Variants in CNTNAP2 observed in about 807,000 individuals in gnomAD.
The protein encoded by CNTNAP2 is contactin-associated protein-like 2.
A neutral mutation model predicts 155.2 loss-of-function variants in CNTNAP2; 98 were observed. That is an observed-to-expected ratio of 0.63 (90% CI 0.54 to 0.75). The LOEUF is 0.75. CNTNAP2 is among the 30% of genes least tolerant of loss of function. The probability of loss-of-function intolerance (pLI) is 0.00; values close to 1 mark genes in which losing one functional copy is unlikely to be tolerated. For missense variants in CNTNAP2, 1,727 were observed against 1,688.1 expected (o/e 1.02, Z -0.40); for synonymous variants, 651 against 631.2 (o/e 1.03, Z -0.47).
intron 10 of CNTNAP2, among the ~76,000 whole-genome samples, chr7:147,407,475 A>C: frequency 1.0e-5 from 1 of 98,034 alleles, no homozygotes; most frequent in African/African-American, 2.9e-5. Flanking sequence ...CTCAAAAAAA[A>C]AAAAAAAAAA....
intron 10 of CNTNAP2, among the ~76,000 whole-genome samples, chr7:147,466,502 G>A (rs896081057): frequency 5.3e-5 from 8 of 152,184 alleles, no homozygotes; most frequent in African/African-American, 1.9e-4. Flanking sequence ...ACTAACCTTG[G>A]GGGATAATAG....
At chr7:146,847,885 C>G (rs762150668) in intron 3 of CNTNAP2, among the ~76,000 whole-genome samples, 10 of 152,062 alleles carry the variant, frequency 6.6e-5, no homozygotes, top group Non-Finnish European at 1.5e-4. Context: ...GAAAATATGA[C>G]TAGGATGTTT....
At position 146,676,631 on chromosome 7, in the gene CNTNAP2, T is replaced by C. The variant is rs1800403027; in HGVS notation, c.98-97640T>C. ...TAAAGACGTACCTGAGAATGGGTAT[T>C]TATAAAGAAAAAGAGATTTAATGGA... On this transcript the variant is annotated intron_variant, in intron 1 of 23. Transcript: ENST00000361727. 3.9e-5 allele frequency among the ~76,000 whole-genome samples: 6 copies of C among 152,198 alleles called. No homozygotes were observed. In the South Asian group the frequency reaches 1.0e-3, roughly 26 times the overall value.
At chr7:146,569,101 C>T (rs1460117990) in intron 1 of CNTNAP2, among the ~76,000 whole-genome samples, 1 of 152,116 alleles carries the variant, frequency 6.6e-6, no homozygotes, top group Non-Finnish European at 1.5e-5. Context: ...ACCGCAAGGG[C>T]TGCCTCCCGG....
intron 1 of CNTNAP2, among the ~76,000 whole-genome samples, chr7:146,479,798 T>G (rs1796932762): frequency 6.6e-6 from 1 of 152,164 alleles, no homozygotes; most frequent in African/African-American, 2.4e-5. Flanking sequence ...ATTTTTTATT[T>G]TTTTGAGACA....
At chr7:147,649,327 T>G (rs1288515212) in intron 13 of CNTNAP2, among the ~76,000 whole-genome samples, 1 of 152,224 alleles carries the variant, frequency 6.6e-6, no homozygotes, top group African/African-American at 2.4e-5. Context: ...TCTAACCTTT[T>G]GATTCTGAAA....
At chr7:146,323,552 C>T (rs1345570801) in intron 1 of CNTNAP2, among the ~76,000 whole-genome samples, 1 of 151,792 alleles carries the variant, frequency 6.6e-6, no homozygotes, top group Non-Finnish European at 1.5e-5. Flanking sequence ...ATCCTTGCAT[C>T]CTTACATAAC....
At chr7:147,807,456 G>A (rs1421207061) in intron 13 of CNTNAP2, among the ~76,000 whole-genome samples, 1 of 151,132 alleles carries the variant, frequency 6.6e-6, no homozygotes, top group Non-Finnish European at 1.5e-5. Flanking sequence ...AATATTGCAT[G>A]TGTCCCATAT....
At chr7:146,762,709 G>A (rs923790660) in intron 1 of CNTNAP2, among the ~76,000 whole-genome samples, 3 of 152,130 alleles carry the variant, frequency 2.0e-5, no homozygotes, top group Non-Finnish European at 4.4e-5. Flanking sequence ...GATTTAATGG[G>A]CTCACAGTTC....
intron 1 of CNTNAP2, among the ~76,000 whole-genome samples, chr7:146,662,142 CT>C (rs776516522): frequency 2.7e-3 from 392 of 143,738 alleles, no homozygotes; most frequent in South Asian, 3.5e-3. Context: ...GTTTTCTCTC[CT>C]TTTTTTTTTT....
rs1410110952 is a variant in CNTNAP2 at position 147,662,459 on chromosome 7, T to C, written c.2098+23153T>C. On this transcript the variant is annotated intron_variant, in intron 13 of 23. Coordinates refer to ENST00000361727, the MANE Select transcript of CNTNAP2 (RefSeq NM_014141.6). ...GTTAGGCAGGAAATTCAGATAAAAC[T>C]ACTTGGGAAATGTAGCTAAGCAAGA... Among the ~76,000 whole-genome samples, 3 of 152,212 alleles carry C rather than the reference T, an allele frequency of 2.0e-5. No individual in the cohort carries two copies. In the East Asian group the frequency reaches 5.8e-4, roughly 29 times the overall value.
At chr7:147,275,063 C>T (rs1027937032) in intron 8 of CNTNAP2, among the ~76,000 whole-genome samples, 4 of 151,972 alleles carry the variant, frequency 2.6e-5, no homozygotes, top group African/African-American at 4.8e-5. Context: ...TTATTATAGC[C>T]TTACAGTATA....
chr7:146,908,586 A>G (rs1367887256), intron 3 of CNTNAP2, among the ~76,000 whole-genome samples: 1 of 130,982 alleles, frequency 7.6e-6, no homozygotes, highest in African/African-American at 3.0e-5. Flanking sequence ...AGAAATAAAG[A>G]TGTTCTTTGA....
chr7:147,925,199 G>GAAGT (rs1563137236), intron 14 of CNTNAP2, among the ~76,000 whole-genome samples: 37 of 149,520 alleles, frequency 2.5e-4, no homozygotes, highest in African/African-American at 8.8e-4. Flanking sequence ...AGGAAGGAAG[G>GAAGT]AAGGAAGGAA....
chr7:146,483,283 ATATATATAT>A lies in CNTNAP2; in HGVS notation c.98-290987_98-290979del, dbSNP rs1421647440. Among the ~76,000 whole-genome samples, 95 of 62,724 alleles carry A rather than the reference ATATATATAT, an allele frequency of 1.5e-3. 3 individuals are homozygous for A. Among genetic ancestry groups the A allele is most frequent in the African/African-American group, 1.9e-3 (41 of 21,346 alleles). The allele number at this position is 62,724 out of a possible 152,430, so 41.1% of individuals were successfully genotyped here. A position where few individuals can be genotyped will look rare whatever the true frequency, so the allele number is the denominator to read the frequency against. On this transcript the variant is annotated intron_variant, in intron 1 of 23. Coordinates refer to ENST00000361727, the MANE Select transcript of CNTNAP2 (RefSeq NM_014141.6). ...AGAGCAAGACTCCGTCTAAAAAAAA[ATATATATAT>A]ATATATATATATATATATATATATA...
At chr7:147,528,492 T>C (rs1271121225) in intron 11 of CNTNAP2, among the ~76,000 whole-genome samples, 2 of 152,142 alleles carry the variant, frequency 1.3e-5, no homozygotes, top group African/African-American at 2.4e-5. Flanking sequence ...TAGCTTTCCC[T>C]CTCTCCTTTA....
Position 146,603,002 on chromosome 7 carries a change from T to C in CNTNAP2, c.98-171269T>C, listed in dbSNP as rs1319356712. On this transcript the variant is annotated intron_variant, in intron 1 of 23. Transcript: ENST00000361727. ...CATTAGAAGTGTGGCAAGATACAAT[T>C]AGAGTGTGTAACTTAAATGCTAGTA... Among the ~76,000 whole-genome samples the C allele has an allele frequency of 1.3e-5, 2 of 151,524 alleles. 1 individual carries two copies. The highest frequency in any genetic ancestry group is 2.9e-5 in the Non-Finnish European group (2 of 67,908).
At chr7:146,235,387 T>A (rs1799455942) in intron 1 of CNTNAP2, among the ~76,000 whole-genome samples, 1 of 152,050 alleles carries the variant, frequency 6.6e-6, no homozygotes, top group Non-Finnish European at 1.5e-5. Context: ...GAGTGCAGCC[T>A]TCATTTGGCT....
intron 13 of CNTNAP2, among the ~76,000 whole-genome samples, chr7:147,663,275 C>T (rs946367679): frequency 3.3e-5 from 5 of 152,230 alleles, no homozygotes; most frequent in Non-Finnish European, 5.9e-5. Flanking sequence ...GGATTACAGG[C>T]GTAAGCCACC....
Sources: allele counts gnomAD v4.1 joint callset (sites outside exome capture counted in the v4.1 genomes callset), GRCh38; gene constraint gnomAD v4.1.1; transcripts MANE v1.5; gene names NCBI Gene and HGNC (gene_info 2026-07-23, HGNC 2026-07-21).